The following CADPS variants were observed in gnomAD, a reference collection of about 807,000 sequenced individuals.
CADPS encodes calcium-dependent secretion activator 1.
Under a neutral mutation model 167.3 loss-of-function variants are expected in CADPS, and 57 were observed. The observed-to-expected ratio is 0.34, with a 90% CI of 0.28 to 0.42. The LOEUF (loss-of-function observed/expected upper bound fraction) is 0.42. Ranked by LOEUF, CADPS falls within the 20% of genes least tolerant of loss-of-function variation. The pLI is 1.00. For synonymous variants in CADPS, 676 were observed against 635.3 expected (o/e 1.06, Z -0.96); for missense variants, 1,414 against 1,738.1 (o/e 0.81, Z 3.32).
At chr3:62,709,997 A>G (rs114274042) in intron 3 of CADPS, among the ~76,000 whole-genome samples, 12,757 of 151,398 alleles carry the variant, frequency 0.084, 653 homozygotes, top group South Asian at 0.16. Flanking sequence ...GATCACTTGA[A>G]CTCAAGTGAT....
In CADPS at chr3:62,491,556, CAA is replaced by C. The variant is rs1403345184; in HGVS notation, c.2885-78_2885-77del. On this transcript the variant is annotated intron_variant, in intron 20 of 29. Transcript: ENST00000383710. ...CGTACAACACACACACACACACACACAAACACACACACACACACACACACACA... is the reference window on the plus strand; with the variant it reads ...CGTACAACACACACACACACACACACACACACACACACACACACACACACA... 445 of 628,242 alleles carry C rather than the reference CAA, an allele frequency of 7.1e-4. 2 individuals carry two copies. The African/African-American group carries it at 7.2e-3, about 10-fold the overall frequency. 38.9% of individuals were successfully genotyped at this position (628,242 alleles called of 1,614,324 possible). A position where few individuals can be genotyped will look rare whatever the true frequency, so the allele number is the denominator to read the frequency against.
rs1315529251 is a variant in CADPS, at chr3:62,874,701, T to C, written c.329A>G (p.Lys110Arg). The C allele has an allele frequency of 1.3e-6, 2 of 1,550,354 alleles. No individual in the cohort carries two copies. The highest frequency in any genetic ancestry group is 1.7e-6 in the Non-Finnish European group (2 of 1,145,356). ...KEKEELERLQ[K>R]EEEERKKRLQ... ...CCTCTTCTTCCTCTCCTCCTCCTCTTTCTGCAGCCGCTCCAACTCTTCCTT... is the reference window on the plus strand; with the variant it reads ...CCTCTTCTTCCTCTCCTCCTCCTCTCTCTGCAGCCGCTCCAACTCTTCCTT... The change falls in exon 1 of 30, where the codon AAA becomes AGA. Residue 110 changes from lysine to arginine, a missense_variant. Physicochemically the swap from Lys to Arg is conservative, Grantham distance 26 (BLOSUM62 2). Transcript: ENST00000383710. The surrounding 1 kb of genome is among the most constrained non-coding windows in gnomAD (Gnocchi z 7.1).
chr3:62,811,239 T>C (rs1371485085), intron 1 of CADPS, among the ~76,000 whole-genome samples: 1 of 151,758 alleles, frequency 6.6e-6, no homozygotes, highest in East Asian at 1.9e-4. Context: ...ACTTAATTGC[T>C]CTCTCCTCTT....
At chr3:62,416,788 TAA>T (rs2050145393) in intron 28 of CADPS, among the ~76,000 whole-genome samples, 1 of 152,216 alleles carries the variant, frequency 6.6e-6, no homozygotes, top group South Asian at 2.1e-4. Context: ...TTCAGTGGGC[TAA>T]ACACAGACAG....
chr3:62,508,691 T>C (rs945181203), intron 17 of CADPS, among the ~76,000 whole-genome samples: 1 of 152,162 alleles, frequency 6.6e-6, no homozygotes, highest in African/African-American at 2.4e-5. Flanking sequence ...AAAACACTTA[T>C]CTCACAGGGT....
rs536991967 is a variant in CADPS, at chr3:62,714,681, T to C, written c.888+38760A>G. 6.6e-5 allele frequency among the ~76,000 whole-genome samples: 10 copies of C among 152,240 alleles called. No individual in the cohort carries two copies. The East Asian group carries it at 1.9e-3, about 29-fold the overall frequency. ...CACTATTTGGCAAAATTCACAGATA[T>C]AAACAAAATATGATTGGGTTAGACT... On this transcript the variant is annotated intron_variant, in intron 3 of 29. Coordinates refer to ENST00000383710, the MANE Select transcript of CADPS (RefSeq NM_003716.4).
intron 1 of CADPS, among the ~76,000 whole-genome samples, chr3:62,860,999 T>C (rs529592709): frequency 6.6e-6 from 1 of 152,192 alleles, no homozygotes; most frequent in Non-Finnish European, 1.5e-5. Flanking sequence ...TTGGGCACAC[T>C]GAAAGTTTTC....
At chr3:62,838,322 T>C (rs2076190477) in intron 1 of CADPS, among the ~76,000 whole-genome samples, 1 of 152,212 alleles carries the variant, frequency 6.6e-6, no homozygotes, top group Non-Finnish European at 1.5e-5. Context: ...ACTTGATTTA[T>C]AGAAGGTAAC....
chr3:62,558,420 G>A (rs2078566127), intron 9 of CADPS, among the ~76,000 whole-genome samples: 1 of 152,226 alleles, frequency 6.6e-6, no homozygotes, highest in South Asian at 2.1e-4. Flanking sequence ...GGGAAAGCAA[G>A]CATCCTCCTA....
At chr3:62,779,188 G>A in intron 1 of CADPS, 4 of 235,076 alleles carry the variant, frequency 1.7e-5, no homozygotes, top group Non-Finnish European at 3.7e-5. Context: ...TTTCTTGCTA[G>A]ATGCCTTTGG....
intron 1 of CADPS, among the ~76,000 whole-genome samples, chr3:62,864,612 G>A (rs867662318): frequency 3.3e-5 from 5 of 152,044 alleles, no homozygotes; most frequent in African/African-American, 7.2e-5. Context: ...GGCCTTCTCC[G>A]TGTGTGCATA....
At chr3:62,670,451 C>G (rs191686210) in intron 3 of CADPS, among the ~76,000 whole-genome samples, 15 of 152,230 alleles carry the variant, frequency 9.9e-5, no homozygotes, top group Admixed American at 7.9e-4. Context: ...CTTTATCATG[C>G]CTTATTTCCT....
intron 6 of CADPS, among the ~76,000 whole-genome samples, chr3:62,640,052 C>T (rs544603839): frequency 1.3e-5 from 2 of 152,176 alleles, no homozygotes; most frequent in Non-Finnish European, 2.9e-5. Context: ...GTTTGATCCA[C>T]AGGCCAAGGT....
chr3:62,689,572 C>T (rs1417654000), intron 3 of CADPS, among the ~76,000 whole-genome samples: 2 of 151,900 alleles, frequency 1.3e-5, no homozygotes, highest in African/African-American at 4.8e-5. Flanking sequence ...TTTTTTATAC[C>T]ATTCTCTGGA....
At chr3:62,400,951 C>A (rs1559895815) in intron 29 of CADPS, among the ~76,000 whole-genome samples, 1 of 152,146 alleles carries the variant, frequency 6.6e-6, no homozygotes, top group Non-Finnish European at 1.5e-5. Context: ...GCAACAATCA[C>A]AATGTCAACC....
At chr3:62,441,845 C>T (rs1474937723) in intron 27 of CADPS, among the ~76,000 whole-genome samples, 1 of 152,152 alleles carries the variant, frequency 6.6e-6, no homozygotes, top group African/African-American at 2.4e-5. Flanking sequence ...GGCATTAATG[C>T]TTGCAAAAGC....
chr3:62,496,074 T>TTTTC (rs1491540544), intron 18 of CADPS, among the ~76,000 whole-genome samples: 13 of 112,986 alleles, frequency 1.2e-4, no homozygotes, highest in African/African-American at 5.0e-4. Flanking sequence ...TTTTCTTTTC[T>TTTTC]TTTTTTTTTT....
chr3:62,693,299 T>A lies in CADPS; in HGVS notation c.889-30905A>T, dbSNP rs912488000. Among the ~76,000 whole-genome samples, 5 of 152,112 alleles carry A rather than the reference T, an allele frequency of 3.3e-5. No homozygotes were observed. The East Asian group carries it at 9.7e-4, about 29-fold the overall frequency. ...AGCCACGATTATTTTGTGTATTCAC[T>A]TTTTCACTTTTAAATGGCCTGCTTC... On this transcript the variant is annotated intron_variant, in intron 3 of 29. Coordinates refer to ENST00000383710, the MANE Select transcript of CADPS (RefSeq NM_003716.4).
At chr3:62,864,499 G>A (rs946719881) in intron 1 of CADPS, among the ~76,000 whole-genome samples, 4 of 152,134 alleles carry the variant, frequency 2.6e-5, no homozygotes, top group Non-Finnish European at 5.9e-5. Flanking sequence ...TGAGGCGTAA[G>A]AATCTGTTCC....
Sources: allele counts gnomAD v4.1 joint callset (sites outside exome capture counted in the v4.1 genomes callset), GRCh38; gene constraint gnomAD v4.1.1; non-coding constraint Gnocchi (gnomAD v3.1); transcripts MANE v1.5; gene names NCBI Gene and HGNC (gene_info 2026-07-23, HGNC 2026-07-21).